Variants in FMN1 observed in about 807,000 individuals in gnomAD.
The protein encoded by FMN1 is formin 1, also known as formin-1.
FMN1 carries 110 observed loss-of-function variants against 132.4 expected under a neutral mutation model. That is an observed-to-expected ratio of 0.83 (90% CI 0.71 to 0.97). The LOEUF (loss-of-function observed/expected upper bound fraction) is 0.97. Among genes scored for constraint, FMN1 ranks in the 50% least tolerant of loss-of-function variants. FMN1 has a pLI of 0.00. For synonymous variants in FMN1, 722 were observed against 651.7 expected, an observed-to-expected ratio of 1.11 and a Z score of -1.64; for missense variants, 1,792 against 1,705.3, an observed-to-expected ratio of 1.05 and a Z score of -0.90.
At chr15:32,956,072 A>G (rs756787773) in intron 9 of FMN1, among the ~76,000 whole-genome samples, 17 of 152,186 alleles carry the variant, frequency 1.1e-4, no homozygotes, top group Non-Finnish European at 2.1e-4. Context: ...TAGAGATATG[A>G]GAAGACTAAA....
chr15:33,117,100 G>A (rs1463826635), intron 4 of FMN1, among the ~76,000 whole-genome samples: 1 of 152,000 alleles, frequency 6.6e-6, no homozygotes. Flanking sequence ...TCAGATCCAG[G>A]TAAATCACTT....
At chr15:32,811,649 CT>C (rs373549952) in intron 17 of FMN1, among the ~76,000 whole-genome samples, 57 of 150,862 alleles carry the variant, frequency 3.8e-4, no homozygotes, top group South Asian at 3.4e-3. Context: ...CAGACCTTGT[CT>C]TTTTCATCAT....
chr15:33,128,081 GA>G (rs531791073), intron 4 of FMN1, among the ~76,000 whole-genome samples: 4 of 152,122 alleles, frequency 2.6e-5, no homozygotes, highest in African/African-American at 9.7e-5. Flanking sequence ...GATGGGAGAA[GA>G]AAACCAAGAA....
At chr15:33,033,821 C>T (rs1237997795) in intron 6 of FMN1, among the ~76,000 whole-genome samples, 2 of 152,206 alleles carry the variant, frequency 1.3e-5, no homozygotes, top group Non-Finnish European at 2.9e-5. Context: ...ATTGTCCAGG[C>T]TTCCAAATTC....
intron 4 of FMN1, among the ~76,000 whole-genome samples, chr15:33,137,840 T>C (rs898551734): frequency 1.3e-5 from 2 of 152,146 alleles, no homozygotes; most frequent in African/African-American, 4.8e-5. Context: ...ACTCATCCCC[T>C]GTTACAAGGC....
intron 17 of FMN1, among the ~76,000 whole-genome samples, chr15:32,854,935 A>G (rs1043667313): frequency 5.9e-5 from 9 of 151,790 alleles, no homozygotes; most frequent in African/African-American, 1.9e-4. Context: ...ACAAAAAACA[A>G]ACAAAAAAAA....
intron 4 of FMN1, among the ~76,000 whole-genome samples, chr15:33,116,532 T>A (rs1312005668): frequency 6.6e-6 from 1 of 152,220 alleles, no homozygotes; most frequent in East Asian, 1.9e-4. Context: ...GATTCAAGAA[T>A]CGTTCTTTGC....
intron 16 of FMN1, among the ~76,000 whole-genome samples, chr15:32,862,258 C>T (rs2059288112): frequency 2.0e-5 from 3 of 152,242 alleles, no homozygotes; most frequent in African/African-American, 7.2e-5. Flanking sequence ...TATTGCTAGA[C>T]CACCAAGGTT....
intron 6 of FMN1, among the ~76,000 whole-genome samples, chr15:33,020,755 T>C (rs17816657): frequency 0.14 from 21,551 of 152,192 alleles, 1,706 homozygotes; most frequent in Middle Eastern, 0.24. Context: ...ACAGCACACA[T>C]TTCCAACCTT....
chr15:32,920,555 C>T (rs1596275036), intron 10 of FMN1, among the ~76,000 whole-genome samples: 1 of 152,300 alleles, frequency 6.6e-6, no homozygotes, highest in East Asian at 1.9e-4. Context: ...TAACCTAGCC[C>T]TATCCGCTTA....
At chr15:33,167,994 G>A (rs891816958) in intron 3 of FMN1, among the ~76,000 whole-genome samples, 12 of 152,132 alleles carry the variant, frequency 7.9e-5, no homozygotes, top group African/African-American at 1.9e-4. Flanking sequence ...AAAAATTCAC[G>A]TAAAAATGGA....
chr15:33,000,633 T>A (rs1239487348), intron 7 of FMN1, among the ~76,000 whole-genome samples: 1 of 151,566 alleles, frequency 6.6e-6, no homozygotes, highest in Non-Finnish European at 1.5e-5. Flanking sequence ...CAAGATAAAA[T>A]AATAAATAAA....
At chr15:33,005,516 C>G (rs1395131149) in intron 7 of FMN1, among the ~76,000 whole-genome samples, 1 of 152,202 alleles carries the variant, frequency 6.6e-6, no homozygotes, top group Non-Finnish European at 1.5e-5. Flanking sequence ...CATCTCCAAT[C>G]TTTTCTTAGT....
At chr15:33,091,192 T>C (rs1233534374) in intron 4 of FMN1, among the ~76,000 whole-genome samples, 4 of 152,224 alleles carry the variant, frequency 2.6e-5, no homozygotes, top group Non-Finnish European at 1.5e-5. Flanking sequence ...CAGAGGCACA[T>C]TGTCTGGTGA....
intron 9 of FMN1, among the ~76,000 whole-genome samples, chr15:32,958,528 T>TC (rs1390769706): frequency 1.3e-5 from 2 of 151,456 alleles, no homozygotes; most frequent in Non-Finnish European, 2.9e-5. Context: ...CAGAACAGGA[T>TC]CCCTGCCTAG....
intron 6 of FMN1, among the ~76,000 whole-genome samples, chr15:33,036,977 C>G (rs1032547420): frequency 2.6e-4 from 40 of 152,192 alleles, no homozygotes; most frequent in Non-Finnish European, 2.8e-4. Flanking sequence ...AAAGGAGAAT[C>G]CACCCTTCTA....
Position 33,150,652 on chromosome 15 carries a change from G to A in FMN1, c.1867+2396C>T, listed in dbSNP as rs1025781100. 3 of 985,322 alleles carry A rather than the reference G, an allele frequency of 3.0e-6. No individual in the cohort carries two copies. The African/African-American group carries it at 5.2e-5, about 17-fold the overall frequency. 61.0% of individuals were successfully genotyped at this position (985,322 alleles called of 1,614,324 possible). A position where few individuals can be genotyped will look rare whatever the true frequency, so the allele number is the denominator to read the frequency against. On this transcript the variant is annotated intron_variant, in intron 4 of 20. Coordinates refer to ENST00000616417, the MANE Select transcript of FMN1 (RefSeq NM_001277313.2). Reference sequence around the variant, plus strand: ...CACTGGTTCCTGGGAATTACTACTTGCCTCTAACATTGAAGAGTCTTCCAA... The same window carrying A: ...CACTGGTTCCTGGGAATTACTACTTACCTCTAACATTGAAGAGTCTTCCAA...
At chr15:32,982,264 T>C (rs2032737762) in intron 7 of FMN1, among the ~76,000 whole-genome samples, 1 of 152,044 alleles carries the variant, frequency 6.6e-6, no homozygotes, top group African/African-American at 2.4e-5. Context: ...AACCTGACAA[T>C]ACCAAATGCT....
In FMN1 at chr15:32,965,231, C is replaced by G. The variant is rs1012884773; in HGVS notation, c.2988-974G>C. On this transcript the variant is annotated intron_variant, in intron 8 of 20. Transcript: ENST00000616417. Reference sequence around the variant, plus strand: ...TGGCCAACATGGTGAAACCCCATCTCTACTAAAAAATACAAAAAATTAGCT... The same window carrying G: ...TGGCCAACATGGTGAAACCCCATCTGTACTAAAAAATACAAAAAATTAGCT... Among the ~76,000 whole-genome samples the G allele has an allele frequency of 2.6e-5, 4 of 152,042 alleles. No individual in the cohort carries two copies. The East Asian group carries it at 5.8e-4, about 22-fold the overall frequency.
Sources: allele counts gnomAD v4.1 joint callset (sites outside exome capture counted in the v4.1 genomes callset), GRCh38; gene constraint gnomAD v4.1.1; transcripts MANE v1.5; gene names NCBI Gene and HGNC (gene_info 2026-07-23, HGNC 2026-07-21).